Variants in DECR1 observed in about 807,000 individuals in gnomAD.
DECR1 encodes the protein 2,4-dienoyl-CoA reductase 1, also known as 2,4-dienoyl-CoA reductase [(3E)-enoyl-CoA-producing], mitochondrial.
A neutral mutation model predicts 38.8 loss-of-function variants in DECR1; 44 were observed. The observed-to-expected ratio is 1.13, with a 90% CI of 0.89 to 1.46. DECR1 has a LOEUF of 1.46. Among genes scored for constraint, DECR1 ranks in the 40% most tolerant of loss-of-function variants. The probability of loss-of-function intolerance (pLI) is 0.00; values close to 1 mark genes in which losing one functional copy is unlikely to be tolerated. For synonymous variants in DECR1, 148 were observed against 135.2 expected, an observed-to-expected ratio of 1.09 and a Z score of -0.66; for missense variants, 428 against 405.5, an observed-to-expected ratio of 1.06 and a Z score of -0.48.
At chr8:90,013,399 G>GTTTT (rs57505716) in intron 1 of DECR1, among the ~76,000 whole-genome samples, 921 of 77,864 alleles carry the variant, frequency 0.012, 17 homozygotes, top group East Asian at 0.058. Flanking sequence ...CTCTTCTTTC[G>GTTTT]TTTTTTTTTT....
Position 90,052,112 on chromosome 8 carries a change from A to T in DECR1, c.*215A>T, listed in dbSNP as rs1814114543. 1 of 513,676 alleles carries T rather than the reference A, an allele frequency of 1.9e-6. No homozygotes were observed. The highest frequency in any genetic ancestry group is 2.0e-5 in the African/African-American group (1 of 50,860). 31.8% of individuals were successfully genotyped at this position (513,676 alleles called of 1,614,324 possible). On this transcript the variant is annotated 3_prime_UTR_variant, in exon 10 of 10. Transcript: ENST00000220764. ...AACATTAAAAAAAAAAAAAGGAGGC[A>T]TGGGGAGAGTAGGTAAAGGCTCCTC...
chr8:90,005,851 G>T, intron 1 of DECR1: 1 of 313,660 alleles, frequency 3.2e-6, no homozygotes, highest in East Asian at 7.1e-5. Context: ...AGAAGGTGAA[G>T]GGGAGCTGGA....
intron 1 of DECR1, among the ~76,000 whole-genome samples, chr8:90,016,026 G>T (rs1812998174): frequency 6.6e-6 from 1 of 152,174 alleles, no homozygotes; most frequent in Non-Finnish European, 1.5e-5. Context: ...GATACCTAAA[G>T]TTTGTTTTAT....
rs1000128249 is a variant in DECR1, at chr8:90,053,255, G to A, written c.*1358G>A. Among the ~76,000 whole-genome samples, 3 of 152,170 alleles carry A rather than the reference G, an allele frequency of 2.0e-5. No homozygotes were observed. The highest frequency in any genetic ancestry group is 4.4e-5 in the Non-Finnish European group (3 of 68,028). On this transcript the variant is annotated 3_prime_UTR_variant, in exon 10 of 10. Coordinates refer to ENST00000220764, the MANE Select transcript of DECR1 (RefSeq NM_001359.2). ...AACTGGGTAATTTATAAAAGAAAGA[G>A]GTTTCATTGACTCATAGTTCAGCAT... is the stretch of plus-strand genomic sequence containing the variant.
intron 5 of DECR1, among the ~76,000 whole-genome samples, chr8:90,033,264 T>G (rs1476389512): frequency 9.9e-5 from 15 of 152,198 alleles, no homozygotes; most frequent in Admixed American, 9.8e-4. Flanking sequence ...ATAATATGAT[T>G]TTTGATGTTC....
intron 5 of DECR1, among the ~76,000 whole-genome samples, chr8:90,036,138 A>T (rs78249445): frequency 6.6e-6 from 1 of 152,150 alleles, no homozygotes; most frequent in Non-Finnish European, 1.5e-5. Flanking sequence ...ATGCAGCTTT[A>T]TGGAGTTCTA....
chr8:90,051,010 A>T (rs555211464), intron 8 of DECR1, among the ~76,000 whole-genome samples: 3 of 151,950 alleles, frequency 2.0e-5, no homozygotes, highest in Non-Finnish European at 4.4e-5. Context: ...AACATCACAC[A>T]TGGGGGCCCG....
Position 90,053,450 on chromosome 8 carries a change from CAAT to C in DECR1, c.*1557_*1559del, listed in dbSNP as rs576982234. 1.3e-5 allele frequency among the ~76,000 whole-genome samples: 2 copies of C among 152,070 alleles called. No individual in the cohort carries two copies. Among genetic ancestry groups the C allele is most frequent in the Non-Finnish European group, 2.9e-5 (2 of 68,006 alleles). On this transcript the variant is annotated 3_prime_UTR_variant, in exon 10 of 10. Transcript: ENST00000220764. ...TTGTGTTGATATTGTGTTCACACACCAATAATGATGGTTTATCACTCACTCCAT... is the reference window on the plus strand; with the variant it reads ...TTGTGTTGATATTGTGTTCACACACCAATGATGGTTTATCACTCACTCCAT...
intron 5 of DECR1, among the ~76,000 whole-genome samples, chr8:90,027,630 T>C (rs556480029): frequency 6.6e-6 from 1 of 152,128 alleles, no homozygotes; most frequent in Non-Finnish European, 1.5e-5. Flanking sequence ...GTGAGATGGG[T>C]CTCCTGAATA....
chr8:90,041,529 G>A (rs1348645159), intron 6 of DECR1, among the ~76,000 whole-genome samples: 2 of 152,092 alleles, frequency 1.3e-5, no homozygotes, highest in African/African-American at 2.4e-5. Flanking sequence ...TTTATCTATT[G>A]CAAGGATACA....
chr8:90,032,127 G>A (rs966196506), intron 5 of DECR1, among the ~76,000 whole-genome samples: 24 of 152,098 alleles, frequency 1.6e-4, no homozygotes, highest in African/African-American at 5.6e-4. Context: ...TCACCCAGCA[G>A]AGCTCATGTC....
chr8:90,015,561 A>G (rs1306614163), intron 1 of DECR1: 1 of 432,530 alleles, frequency 2.3e-6, no homozygotes, highest in Non-Finnish European at 4.7e-6. Context: ...GCCTCCTTCT[A>G]AATCATTGAC....
intron 1 of DECR1, 150 bp from the exon 2 acceptor site, chr8:90,016,974 T>G (rs530929243): frequency 6.2e-5 from 38 of 614,874 alleles, no homozygotes; most frequent in African/African-American, 5.5e-4. Context: ...AAACAAAGAA[T>G]AATAATTAAG....
intron 1 of DECR1, among the ~76,000 whole-genome samples, chr8:90,004,402 A>G (rs182096496): frequency 5.9e-5 from 9 of 152,316 alleles, no homozygotes; most frequent in African/African-American, 1.9e-4. Flanking sequence ...CACTATTTTT[A>G]GAAAAATGAT....
intron 8 of DECR1, among the ~76,000 whole-genome samples, chr8:90,048,302 GAAGAA>G (rs1415329240): frequency 1.3e-5 from 2 of 151,784 alleles, no homozygotes; most frequent in Non-Finnish European, 1.5e-5. Flanking sequence ...GACTAATAAA[GAAGAA>G]AAGAGTGAAG....
At chr8:90,021,920 G>A (rs985515352) in intron 5 of DECR1, among the ~76,000 whole-genome samples, 1 of 152,146 alleles carries the variant, frequency 6.6e-6, no homozygotes, top group Admixed American at 6.6e-5. Flanking sequence ...TACATGGATA[G>A]CAAACATGTC....
intron 1 of DECR1, among the ~76,000 whole-genome samples, chr8:90,004,354 A>G (rs1002967842): frequency 6.8e-6 from 1 of 147,258 alleles, no homozygotes; most frequent in African/African-American, 2.5e-5. Context: ...CTCAAAAAGA[A>G]AAAAAAAAAA....
chr8:90,042,776 T>C lies in DECR1; in HGVS notation c.714T>C (p.Ile238=). 1.2e-6 allele frequency: 2 copies of C among 1,613,650 alleles called. No individual in the cohort carries two copies. Among genetic ancestry groups the C allele is most frequent in the Non-Finnish European group, 1.7e-6 (2 of 1,179,656 alleles). Residue 238 remains isoleucine, a synonymous_variant, in exon 7 of 10, where the codon ATT becomes ATC. Coordinates refer to ENST00000220764, the MANE Select transcript of DECR1 (RefSeq NM_001359.2). ...AATATGGAATGCGATTCAATGTGAT[T>C]CAACCAGGGCCTATAAAAACCAAAG... ...WGKYGMRFNV[I]QPGPIKTKGA... is the part of the protein sequence containing the mutation.
In DECR1 at chr8:90,044,930, G is replaced by A; in HGVS notation, c.820G>A (p.Val274Ile). The A allele has an allele frequency of 1.2e-6, 2 of 1,613,818 alleles. No individual in the cohort carries two copies. Among genetic ancestry groups the A allele is most frequent in the Non-Finnish European group, 1.7e-6 (2 of 1,179,822 alleles). The change falls in exon 8 of 10, where the codon GTA (valine) becomes ATA (isoleucine). Residue 274 changes from valine (V) to isoleucine (I), a missense_variant. Coordinates refer to ENST00000220764, the MANE Select transcript of DECR1 (RefSeq NM_001359.2). ...AATTCCCTGTGGTCGCCTGGGGACT[G>A]TAGAAGAACTCGCAAATCTTGCTGC... ...GRIPCGRLGT[V>I]EELANLAAFL...
Sources: allele counts gnomAD v4.1 joint callset (sites outside exome capture counted in the v4.1 genomes callset), GRCh38; gene constraint gnomAD v4.1.1; transcripts MANE v1.5; gene names NCBI Gene and HGNC (gene_info 2026-07-23, HGNC 2026-07-21).